Variants in RAF1 observed in about 807,000 individuals in gnomAD.
RAF1 encodes RAF proto-oncogene serine/threonine-protein kinase.
A neutral mutation model predicts 81.1 loss-of-function variants in RAF1; 27 were observed. The ratio of observed to expected loss-of-function variants is 0.33; its 90% CI spans 0.25 to 0.46. RAF1 has a LOEUF of 0.46. Ranked by LOEUF, RAF1 falls within the 20% of genes least tolerant of loss-of-function variation. RAF1 has a pLI of 1.00. For missense variants in RAF1, 598 were observed against 826.0 expected (o/e 0.72, Z 3.38); for synonymous variants, 298 against 294.0 (o/e 1.01, Z -0.14).
At chr3:12,594,525 A>T (rs866939917) in intron 11 of RAF1, among the ~76,000 whole-genome samples, 1 of 152,258 alleles carries the variant, frequency 6.6e-6, no homozygotes. Context: ...TTCTGGCCCT[A>T]ATCAGTAATA....
Position 12,584,397 on chromosome 3 carries a change from C to T in RAF1, c.*117G>A. 7.5e-7 allele frequency: 1 copy of T among 1,334,684 alleles called. No individual in the cohort carries two copies. The highest frequency in any genetic ancestry group is 1.1e-6 in the Non-Finnish European group (1 of 942,552). The allele number at this position is 1,334,684 out of a possible 1,614,324, so 82.7% of individuals were successfully genotyped here. A position where few individuals can be genotyped will look rare whatever the true frequency, so the allele number is the denominator to read the frequency against. The stretch of plus-strand genomic sequence containing the variant: ...AGGCCCTGTGAGCAGTCTAGAAGGT[C>T]CTTAGCAGCAGCTTCTCTGAAAACA... On this transcript the variant is annotated 3_prime_UTR_variant, in exon 18 of 18. Coordinates refer to ENST00000442415, the MANE Select transcript of RAF1 (RefSeq NM_001354689.3).
Position 12,584,073 on chromosome 3 carries a change from T to A in RAF1, c.*441A>T. 1 of 315,884 alleles carries A rather than the reference T, an allele frequency of 3.2e-6. No homozygotes were observed. Among genetic ancestry groups the A allele is most frequent in the Non-Finnish European group, 6.0e-6 (1 of 165,966 alleles). The allele number at this position is 315,884 out of a possible 1,614,324, so 19.6% of individuals were successfully genotyped here. On this transcript the variant is annotated 3_prime_UTR_variant, in exon 18 of 18. Coordinates refer to ENST00000442415, the MANE Select transcript of RAF1 (RefSeq NM_001354689.3). ...TGCAAAATGTCTGGCGCTGCACCACTCTCTGAAGAAAGTCCCGCCTGTGAC... is the reference window on the plus strand; with the variant it reads ...TGCAAAATGTCTGGCGCTGCACCACACTCTGAAGAAAGTCCCGCCTGTGAC...
intron 15 of RAF1, 27 bp from the exon 15 acceptor site, chr3:12,585,280 T>A (rs1338215520): frequency 6.2e-7 from 1 of 1,613,440 alleles, no homozygotes; most frequent in Non-Finnish European, 8.5e-7. Flanking sequence ...ATGACAAAAG[T>A]GCATTTATCA....
At chr3:12,596,749 T>C (rs866126766) in intron 11 of RAF1, among the ~76,000 whole-genome samples, 1 of 152,198 alleles carries the variant, frequency 6.6e-6, no homozygotes, top group South Asian at 2.1e-4. Flanking sequence ...GAAAAAAGTA[T>C]TGCACAAAAC....
In RAF1 at chr3:12,626,099, C is replaced by G. The variant is rs181649354; in HGVS notation, c.-26-7352G>C. Among the ~76,000 whole-genome samples, 5 of 151,562 alleles carry G rather than the reference C, an allele frequency of 3.3e-5. No individual in the cohort carries two copies. In the East Asian group the frequency reaches 9.7e-4, roughly 29 times the overall value. ...TGGCTAACATAGTGAAACCCTATTT[C>G]TACTAAAAATACAAAAAATTAGCCA... On this transcript the variant is annotated intron_variant, in intron 1 of 17. Transcript: ENST00000442415.
chr3:12,611,185 T>G (rs1318155661), intron 3 of RAF1, among the ~76,000 whole-genome samples: 1 of 152,120 alleles, frequency 6.6e-6, no homozygotes, highest in Non-Finnish European at 1.5e-5. Flanking sequence ...GGAAACATTA[T>G]CAATACCTAA....
chr3:12,588,790 C>A (rs2058411737), intron 13 of RAF1: 1 of 152,174 alleles, frequency 6.6e-6, no homozygotes, highest in Non-Finnish European at 1.5e-5. Context: ...GTTTGGATAT[C>A]TGTCCACTCC....
In RAF1 at chr3:12,584,132, C is replaced by T. The variant is rs1186323436; in HGVS notation, c.*382G>A. 3.0e-6 allele frequency: 1 copy of T among 334,026 alleles called. No individual in the cohort carries two copies. Among genetic ancestry groups the T allele is most frequent in the Non-Finnish European group, 5.7e-6 (1 of 176,524 alleles). The allele number at this position is 334,026 out of a possible 1,614,324, so 20.7% of individuals were successfully genotyped here. A position where few individuals can be genotyped will look rare whatever the true frequency, so the allele number is the denominator to read the frequency against. On this transcript the variant is annotated 3_prime_UTR_variant, in exon 18 of 18. Transcript: ENST00000442415. ...CTCCAGAAGCTGATTTCCAAAATCC[C>T]ATGTGTCTCCACATCAGGGCTGGAC...
chr3:12,620,705 T>C lies in RAF1; in HGVS notation c.-26-1958A>G, dbSNP rs6784448. ...GTTGCCCAGGCTGGTCTTGAACTCC[T>C]GAGCTCAGGCAATCCACTCTCCTTA... On this transcript the variant is annotated intron_variant, in intron 1 of 17. Coordinates refer to ENST00000442415, the MANE Select transcript of RAF1 (RefSeq NM_001354689.3). 7.1e-3 allele frequency among the ~76,000 whole-genome samples: 1,084 copies of C among 152,256 alleles called. 6 individuals are homozygous for C. Among genetic ancestry groups the C allele is most frequent in the African/African-American group, 0.024 (1,015 of 41,538 alleles).
chr3:12,626,342 C>T (rs539432788), intron 1 of RAF1, among the ~76,000 whole-genome samples: 1 of 151,056 alleles, frequency 6.6e-6, no homozygotes, highest in East Asian at 1.9e-4. Flanking sequence ...AATCCCAGGA[C>T]TCTGGAAGGC....
At chr3:12,623,887 C>T (rs1311437075) in intron 1 of RAF1, among the ~76,000 whole-genome samples, 7 of 145,408 alleles carry the variant, frequency 4.8e-5, no homozygotes, top group Non-Finnish European at 9.0e-5. Context: ...GACAGTCTTG[C>T]TCTGTTGCCC....
At chr3:12,597,610 G>A (rs958048157) in intron 11 of RAF1, among the ~76,000 whole-genome samples, 3 of 152,072 alleles carry the variant, frequency 2.0e-5, no homozygotes, top group Non-Finnish European at 2.9e-5. Context: ...AGATATTTAT[G>A]CCATCTAAAA....
intron 1 of RAF1, among the ~76,000 whole-genome samples, chr3:12,661,995 G>A (rs1366041667): frequency 6.6e-6 from 1 of 151,718 alleles, no homozygotes; most frequent in Non-Finnish European, 1.5e-5. Context: ...GACCAGCCTG[G>A]CCAACATAGT....
chr3:12,658,055 T>C (rs143251633), intron 1 of RAF1, among the ~76,000 whole-genome samples: 1 of 152,318 alleles, frequency 6.6e-6, no homozygotes, highest in African/African-American at 2.4e-5. Context: ...TCCAATGTTG[T>C]AGTATACACC....
intron 1 of RAF1, among the ~76,000 whole-genome samples, chr3:12,632,993 C>T (rs79318175): frequency 0.058 from 8,803 of 152,272 alleles, 345 homozygotes; most frequent in Middle Eastern, 0.17. Context: ...AACCCCTTTT[C>T]CCCAGTGGGG....
chr3:12,589,734 T>C (rs531756781), intron 13 of RAF1: 17 of 151,874 alleles, frequency 1.1e-4, no homozygotes, highest in African/African-American at 3.6e-4. Flanking sequence ...CGCTGCACTC[T>C]AGCATAGGTG....
chr3:12,587,837 C>CTTTT lies in RAF1; in HGVS notation c.1431-204_1431-201dup, dbSNP rs374515740. The CTTTT allele has an allele frequency of 7.6e-4, 148 of 194,634 alleles. 2 individuals carry two copies. The highest frequency in any genetic ancestry group is 9.8e-4 in the Non-Finnish European group (96 of 98,206). The allele number at this position is 194,634 out of a possible 1,614,324, so 12.1% of individuals were successfully genotyped here. The stretch of plus-strand genomic sequence containing the variant: ...GGCCACAGCACAAACATGCTTACAC[C>CTTTT]TTTTTTTTTTTTTTTTTGGAGACTG... On this transcript the variant is annotated intron_variant, in intron 13 of 17. Coordinates refer to ENST00000442415, the MANE Select transcript of RAF1 (RefSeq NM_001354689.3).
chr3:12,657,289 A>G (rs915638802), intron 1 of RAF1, among the ~76,000 whole-genome samples: 2 of 152,146 alleles, frequency 1.3e-5, no homozygotes, highest in Admixed American at 6.6e-5. Flanking sequence ...ACCCTTAAAT[A>G]TTTTTGTGTC....
rs2125342783 is a variant in RAF1 at position 12,590,821 on chromosome 3, G to C, written c.1407C>G (p.Ala469=). ...ACTCCATTCCCTGAGCCGTCTGCCG[G>C]GCAATGTCAATTAGCTGGAACATCT... The change falls in exon 13 of 18, where the codon GCC becomes GCG. Residue 469 remains alanine (A), a synonymous_variant. Transcript: ENST00000442415. 1 of 1,613,760 alleles carries C rather than the reference G, an allele frequency of 6.2e-7. No homozygotes were observed. Among genetic ancestry groups the C allele is most frequent in the Non-Finnish European group, 8.5e-7 (1 of 1,179,918 alleles).
Sources: allele counts gnomAD v4.1 joint callset (sites outside exome capture counted in the v4.1 genomes callset), GRCh38; gene constraint gnomAD v4.1.1; transcripts MANE v1.5; gene names NCBI Gene and HGNC (gene_info 2026-07-23, HGNC 2026-07-21).